The following SCOC variants were observed in gnomAD, a reference collection of about 807,000 sequenced individuals.
SCOC encodes the protein short coiled coil protein.
In SCOC, 7 loss-of-function variants were observed where a neutral mutation model predicts 9.9. The observed-to-expected ratio is 0.71, with a 90% confidence interval of 0.40 to 1.33. The LOEUF (loss-of-function observed/expected upper bound fraction) is 1.33. Ranked by LOEUF, SCOC falls within the 40% of genes most tolerant of loss-of-function variation. The probability of loss-of-function intolerance (pLI) is 0.01; values close to 1 mark genes in which losing one functional copy is unlikely to be tolerated. For missense variants in SCOC, 66 were observed against 89.7 expected (o/e 0.74, Z 1.07); for synonymous variants, 19 against 28.2 (o/e 0.67, Z 1.03).
At chr4:140,287,924 T>A (rs189748498) in intron 1 of SCOC, among the ~76,000 whole-genome samples, 4 of 151,968 alleles carry the variant, frequency 2.6e-5, no homozygotes, top group Non-Finnish European at 4.4e-5. Context: ...ACATACTACC[T>A]GCACCACATA....
chr4:140,274,707 G>A (rs1730937136), intron 1 of SCOC, among the ~76,000 whole-genome samples: 1 of 152,088 alleles, frequency 6.6e-6, no homozygotes, highest in South Asian at 2.1e-4. Flanking sequence ...TGCAAGACCT[G>A]GGTTATCACT....
At chr4:140,297,300 T>C (rs911017486) in intron 1 of SCOC, among the ~76,000 whole-genome samples, 1 of 151,942 alleles carries the variant, frequency 6.6e-6, no homozygotes, top group Non-Finnish European at 1.5e-5. Flanking sequence ...CAGTATCTGC[T>C]GCCGGAGCCC....
intron 1 of SCOC, among the ~76,000 whole-genome samples, chr4:140,289,704 G>A (rs963409904): frequency 1.3e-5 from 2 of 152,180 alleles, no homozygotes; most frequent in Admixed American, 1.3e-4. Flanking sequence ...GCATTCAAAG[G>A]CAGCAGTATC....
At chr4:140,344,414 A>G (rs1726630309) in intron 2 of SCOC, among the ~76,000 whole-genome samples, 1 of 152,178 alleles carries the variant, frequency 6.6e-6, no homozygotes, top group African/African-American at 2.4e-5. Flanking sequence ...GCAGCTAAGC[A>G]ATGGGGGTTA....
At chr4:140,340,336 A>T (rs921527260), upstream of SCOC, among the ~76,000 whole-genome samples, 1 of 152,104 alleles carries the variant, frequency 6.6e-6, no homozygotes, top group Non-Finnish European at 1.5e-5. Context: ...GCATTAGGAG[A>T]TATAACTAAT....
chr4:140,322,977 G>C (rs1732544307), intron 1 of SCOC, among the ~76,000 whole-genome samples: 1 of 151,922 alleles, frequency 6.6e-6, no homozygotes, highest in African/African-American at 2.4e-5. Context: ...CCAGATGAAA[G>C]GAAATAATAT....
At chr4:140,317,945 G>A (rs1317326857) in intron 1 of SCOC, among the ~76,000 whole-genome samples, 7 of 143,256 alleles carry the variant, frequency 4.9e-5, no homozygotes, top group African/African-American at 1.3e-4. Flanking sequence ...GAGAATATGC[G>A]GTGTTTGGTT....
At chr4:140,262,773 G>A (rs535686618) in intron 1 of SCOC, among the ~76,000 whole-genome samples, 178 of 152,164 alleles carry the variant, frequency 1.2e-3, no homozygotes, top group Non-Finnish European at 2.0e-3. Flanking sequence ...CAATTATGGC[G>A]GAGGGGCGAA....
chr4:140,270,027 A>G (rs1391240471), intron 1 of SCOC, among the ~76,000 whole-genome samples: 1 of 152,206 alleles, frequency 6.6e-6, no homozygotes, highest in Non-Finnish European at 1.5e-5. Flanking sequence ...CTGGGATTAC[A>G]GGCATGAACC....
intron 1 of SCOC, among the ~76,000 whole-genome samples, chr4:140,298,433 G>A (rs758543999): frequency 1.6e-4 from 24 of 152,338 alleles, no homozygotes; most frequent in East Asian, 5.8e-4. Context: ...GTGGGATCAT[G>A]TTGCTTTCCT....
chr4:140,297,791 G>C (rs904485457), intron 1 of SCOC, among the ~76,000 whole-genome samples: 1 of 152,152 alleles, frequency 6.6e-6, no homozygotes, highest in African/African-American at 2.4e-5. Context: ...ACAGTGGGGG[G>C]AGGGAGGCTC....
intron 1 of SCOC, among the ~76,000 whole-genome samples, chr4:140,262,254 C>A (rs1019836207): frequency 6.6e-6 from 1 of 152,090 alleles, no homozygotes; most frequent in Non-Finnish European, 1.5e-5. Context: ...GAAGGAACTA[C>A]AGAGGGAAGA....
chr4:140,384,587 A>G lies in SCOC; in HGVS notation c.*3483A>G, dbSNP rs879605310. Reference sequence around the variant, plus strand: ...CCTCATCACTGCTCATTGACTATAAATCCTCAGTTGTATTTGCTGTGTTAG... The same window carrying G: ...CCTCATCACTGCTCATTGACTATAAGTCCTCAGTTGTATTTGCTGTGTTAG... On this transcript the variant is annotated 3_prime_UTR_variant, in exon 4 of 4. Coordinates refer to ENST00000608372, the MANE Select transcript of SCOC (RefSeq NM_001153484.2). 4 of 152,174 alleles carry G rather than the reference A, an allele frequency of 2.6e-5. No homozygotes were observed. Among genetic ancestry groups the G allele is most frequent in the Non-Finnish European group, 5.9e-5 (4 of 68,060 alleles). 9.4% of individuals were successfully genotyped at this position (152,174 alleles called of 1,614,324 possible).
At chr4:140,273,300 G>A (rs573005882) in intron 1 of SCOC, among the ~76,000 whole-genome samples, 2 of 152,266 alleles carry the variant, frequency 1.3e-5, no homozygotes, top group South Asian at 4.1e-4. Flanking sequence ...TTTTCAATAG[G>A]AAATGATGTT....
At chr4:140,257,418 A>T (rs1233602096) in intron 1 of SCOC, 1 of 152,150 alleles carries the variant, frequency 6.6e-6, no homozygotes, top group Non-Finnish European at 1.5e-5. Flanking sequence ...AAGGTAAGTG[A>T]AAGATTTTCA....
rs1000644256 is a variant in SCOC at position 140,361,505 on chromosome 4, A to G, written c.71-17616A>G. ...ATAATGAGACCTCATCTCTACAAGA[A>G]ATAAGATTAGCGAGGCATGGTTCTG... On this transcript the variant is annotated intron_variant, in intron 2 of 4. Transcript: ENST00000338517. Among the ~76,000 whole-genome samples, 3 of 152,142 alleles carry G rather than the reference A, an allele frequency of 2.0e-5. No homozygotes were observed. The South Asian group carries it at 6.2e-4, about 32-fold the overall frequency.
chr4:140,357,460 C>T (rs1021760857), intron 2 of SCOC, among the ~76,000 whole-genome samples: 7 of 152,320 alleles, frequency 4.6e-5, no homozygotes, highest in Admixed American at 3.3e-4. Context: ...TCCATTCACC[C>T]ATTACATACC....
rs920814323 is a variant in SCOC at position 140,285,238 on chromosome 4, G to A, written c.-19+27828G>A. 38 of 456,590 alleles carry A rather than the reference G, an allele frequency of 8.3e-5. 1 individual carries two copies. The Admixed American group carries it at 8.7e-4, about 10-fold the overall frequency. The allele number at this position is 456,590 out of a possible 1,614,324, so 28.3% of individuals were successfully genotyped here. A position where few individuals can be genotyped will look rare whatever the true frequency, so the allele number is the denominator to read the frequency against. ...TTTCTTCCTCTGCCTCCCTGCAATC[G>A]ACATATCCTTGTAATCAGGAGCAGG... On this transcript the variant is annotated intron_variant, in intron 1 of 4. Coordinates refer to the SCOC transcript ENST00000394205.
chr4:140,362,202 C>G (rs750271833), intron 2 of SCOC, among the ~76,000 whole-genome samples: 3 of 107,008 alleles, frequency 2.8e-5, no homozygotes, highest in Non-Finnish European at 4.2e-5. Context: ...GTGTTACTAA[C>G]TATCCTGGTA....
Sources: allele counts gnomAD v4.1 joint callset (sites outside exome capture counted in the v4.1 genomes callset), GRCh38; gene constraint gnomAD v4.1.1; transcripts MANE v1.5; gene names NCBI Gene and HGNC (gene_info 2026-07-23, HGNC 2026-07-21).